The following PLA2G4A variants were observed in gnomAD, a reference collection of about 807,000 sequenced individuals.
PLA2G4A encodes the protein phospholipase A2 group IVA.
A neutral mutation model predicts 81.9 loss-of-function variants in PLA2G4A; 40 were observed. The ratio of observed to expected loss-of-function variants is 0.49; its 90% confidence interval spans 0.38 to 0.64. The LOEUF (loss-of-function observed/expected upper bound fraction) is 0.64. Among genes scored for constraint, PLA2G4A ranks in the 30% least tolerant of loss-of-function variants. The pLI, the probability that PLA2G4A is intolerant of heterozygous loss-of-function variation, is 0.00. For synonymous variants in PLA2G4A, 302 were observed against 296.9 expected, an observed-to-expected ratio of 1.02 and a Z score of -0.18; for missense variants, 715 against 905.1, an observed-to-expected ratio of 0.79 and a Z score of 2.69.
chr1:186,948,886 C>T (rs908261304), intron 12 of PLA2G4A, among the ~76,000 whole-genome samples: 5 of 152,170 alleles, frequency 3.3e-5, no homozygotes, highest in African/African-American at 1.2e-4. Flanking sequence ...GAAATGAAAC[C>T]AGAGAGGTGA....
At chr1:186,832,192 G>T (rs1225006841) in intron 1 of PLA2G4A, among the ~76,000 whole-genome samples, 1 of 151,716 alleles carries the variant, frequency 6.6e-6, no homozygotes, top group Non-Finnish European at 1.5e-5. Context: ...ATTTATAATA[G>T]TTTTCCACTA....
intron 1 of PLA2G4A, among the ~76,000 whole-genome samples, chr1:186,836,613 C>T (rs533274785): frequency 2.6e-5 from 4 of 152,094 alleles, no homozygotes; most frequent in Non-Finnish European, 4.4e-5. Flanking sequence ...TTTTCACTTA[C>T]CAATTTTGCC....
intron 17 of PLA2G4A, among the ~76,000 whole-genome samples, chr1:186,981,090 T>G (rs1485957831): frequency 6.6e-6 from 1 of 152,084 alleles, no homozygotes; most frequent in Non-Finnish European, 1.5e-5. Flanking sequence ...TTGCATTTTA[T>G]AAAACCTCAT....
At chr1:186,841,955 A>C (rs1215438660) in intron 1 of PLA2G4A, among the ~76,000 whole-genome samples, 3 of 152,078 alleles carry the variant, frequency 2.0e-5, no homozygotes, top group Non-Finnish European at 4.4e-5. Flanking sequence ...CTTTTTAAAT[A>C]ATCAGATGAG....
intron 5 of PLA2G4A, among the ~76,000 whole-genome samples, chr1:186,898,997 T>C (rs1043986017): frequency 2.6e-5 from 4 of 152,156 alleles, no homozygotes; most frequent in Admixed American, 1.3e-4. Flanking sequence ...GTGAACAAAA[T>C]GAACAAGAAT....
intron 1 of PLA2G4A, among the ~76,000 whole-genome samples, chr1:186,836,891 G>T (rs1651796615): frequency 6.6e-6 from 1 of 152,172 alleles, no homozygotes; most frequent in Non-Finnish European, 1.5e-5. Flanking sequence ...AACATGCAAA[G>T]GCGGAGAATG....
intron 17 of PLA2G4A, among the ~76,000 whole-genome samples, chr1:186,985,761 A>T (rs1657873103): frequency 6.6e-6 from 1 of 152,084 alleles, no homozygotes; most frequent in South Asian, 2.1e-4. Context: ...GAGGCTGGAG[A>T]AGGTTGAGAT....
chr1:186,988,499 C>G lies in PLA2G4A; in HGVS notation c.2241C>G (p.Pro747=). ...RFFNKEFLSK[P]KA Reference sequence around the variant, plus strand: ...TCAACAAGGAGTTTCTAAGTAAACCCAAAGCATAGTTCATGTACTGGAAAT... The same window carrying G: ...TCAACAAGGAGTTTCTAAGTAAACCGAAAGCATAGTTCATGTACTGGAAAT... Residue 747 remains proline, a synonymous_variant, in exon 18 of 18, where the codon CCC becomes CCG. Coordinates refer to ENST00000367466, the MANE Select transcript of PLA2G4A (RefSeq NM_024420.3). 1 of 1,611,404 alleles carries G rather than the reference C, an allele frequency of 6.2e-7. No homozygotes were observed. The highest frequency in any genetic ancestry group is 8.5e-7 in the Non-Finnish European group (1 of 1,178,440).
chr1:186,971,896 C>A (rs1044843591), intron 15 of PLA2G4A, among the ~76,000 whole-genome samples: 2 of 151,982 alleles, frequency 1.3e-5, no homozygotes, highest in Non-Finnish European at 2.9e-5. Flanking sequence ...AATTAAATAG[C>A]AAATAATTTC....
At chr1:186,886,508 A>G (rs10798067) in intron 3 of PLA2G4A, among the ~76,000 whole-genome samples, 12,377 of 152,248 alleles carry the variant, frequency 0.081, 669 homozygotes, top group African/African-American at 0.14. Flanking sequence ...ATTACATCAT[A>G]AATATATCAA....
chr1:186,854,398 C>T lies in PLA2G4A; in HGVS notation c.33+11C>T, dbSNP rs781465625. 1.1e-4 allele frequency: 170 copies of T among 1,533,688 alleles called. No individual in the cohort carries two copies. The highest frequency in any genetic ancestry group is 1.4e-4 in the Non-Finnish European group (157 of 1,107,342). The stretch of plus-strand genomic sequence containing the variant: ...TACCAGCACATTATAGTAAGTCATT[C>T]ACTGTTTATGAATTCTTTCTTGGAG... On this transcript the variant is annotated intron_variant, in intron 2 of 17. Coordinates refer to ENST00000367466, the MANE Select transcript of PLA2G4A (RefSeq NM_024420.3).
At chr1:186,963,175 A>C (rs1192733939) in intron 14 of PLA2G4A, among the ~76,000 whole-genome samples, 1 of 152,248 alleles carries the variant, frequency 6.6e-6, no homozygotes, top group African/African-American at 2.4e-5. Flanking sequence ...GTAACCAACT[A>C]ATGAATTATA....
At chr1:186,872,903 G>A (rs931530396) in intron 3 of PLA2G4A, among the ~76,000 whole-genome samples, 1 of 152,032 alleles carries the variant, frequency 6.6e-6, no homozygotes, top group African/African-American at 2.4e-5. Flanking sequence ...AAGGACCCAT[G>A]GAAGGAATGG....
At chr1:186,902,046 G>T (rs371386683) in intron 5 of PLA2G4A, among the ~76,000 whole-genome samples, 1 of 152,058 alleles carries the variant, frequency 6.6e-6, no homozygotes, top group Non-Finnish European at 1.5e-5. Flanking sequence ...AACCTAGATG[G>T]TACAGCCTGC....
chr1:186,926,453 A>C (rs1571408401), intron 7 of PLA2G4A, among the ~76,000 whole-genome samples: 1 of 152,360 alleles, frequency 6.6e-6, no homozygotes, highest in South Asian at 2.1e-4. Context: ...AGAAGTTATC[A>C]GTACCACCCA....
chr1:186,837,597 C>T (rs1445854781), intron 1 of PLA2G4A, among the ~76,000 whole-genome samples: 5 of 149,808 alleles, frequency 3.3e-5, no homozygotes, highest in African/African-American at 4.9e-5. Context: ...ATTAGCCGGG[C>T]GTGGTGGCGG....
chr1:186,978,425 A>C (rs12720688), intron 16 of PLA2G4A, among the ~76,000 whole-genome samples: 1,682 of 152,314 alleles, frequency 0.011, 33 homozygotes, highest in African/African-American at 0.038. Context: ...TCCATTTTAT[A>C]AATGGAAAGA....
intron 17 of PLA2G4A, among the ~76,000 whole-genome samples, chr1:186,982,160 C>T (rs988210759): frequency 2.0e-4 from 31 of 152,136 alleles, no homozygotes; most frequent in African/African-American, 5.3e-4. Context: ...TTAAACTTGA[C>T]GCTAAAAGCA....
intron 3 of PLA2G4A, among the ~76,000 whole-genome samples, chr1:186,892,026 G>A (rs1002325016): frequency 3.9e-5 from 6 of 152,074 alleles, no homozygotes; most frequent in East Asian, 1.9e-4. Flanking sequence ...TTTGATTTGC[G>A]TTTCTCTTAT....
Sources: allele counts gnomAD v4.1 joint callset (sites outside exome capture counted in the v4.1 genomes callset), GRCh38; gene constraint gnomAD v4.1.1; transcripts MANE v1.5; gene names NCBI Gene and HGNC (gene_info 2026-07-23, HGNC 2026-07-21).